The following RPTOR variants were observed in gnomAD, a reference collection of about 807,000 sequenced individuals.
The protein encoded by RPTOR is regulatory associated protein of MTOR complex 1.
A neutral mutation model predicts 169.9 loss-of-function variants in RPTOR; 21 were observed. The observed-to-expected ratio is 0.12, with a 90% CI of 0.09 to 0.18. RPTOR has a LOEUF of 0.18. Ranked by LOEUF, RPTOR falls within the 10% of genes least tolerant of loss-of-function variation. RPTOR has a pLI of 1.00. For synonymous variants in RPTOR, 732 were observed against 753.2 expected (o/e 0.97, Z 0.46); for missense variants, 1,133 against 1,855.9 (o/e 0.61, Z 7.16).
chr17:80,795,940 T>C (rs1043704213), intron 7 of RPTOR, among the ~76,000 whole-genome samples: 1 of 152,238 alleles, frequency 6.6e-6, no homozygotes, highest in African/African-American at 2.4e-5. Flanking sequence ...TCACTCCACA[T>C]TCCTGTAGTT....
chr17:80,570,481 G>A (rs1482844015), intron 1 of RPTOR, among the ~76,000 whole-genome samples: 6 of 151,962 alleles, frequency 3.9e-5, no homozygotes, highest in African/African-American at 1.5e-4. Context: ...ATCTTTTTGA[G>A]ACAGAGTCTC....
chr17:80,720,503 TGCTTACAGTA>T (rs1406296914), intron 4 of RPTOR, among the ~76,000 whole-genome samples: 1 of 152,266 alleles, frequency 6.6e-6, no homozygotes, highest in African/African-American at 2.4e-5. Context: ...ATTTTGTGTT[TGCTTACAGTA>T]GTAGAAGGCC....
Position 80,609,772 on chromosome 17 carries a change from G to GTT in RPTOR, c.163-15918_163-15917dup, listed in dbSNP as rs1491406184. Among the ~76,000 whole-genome samples, 1 of 125,512 alleles carries GTT rather than the reference G, an allele frequency of 8.0e-6. No individual in the cohort carries two copies. Among genetic ancestry groups the GTT allele is most frequent in the Non-Finnish European group, 1.7e-5 (1 of 58,076 alleles). 82.3% of individuals were successfully genotyped at this position (125,512 alleles called of 152,430 possible). ...AAAAAAAAAAAAGTTTAAGGTGTTG[G>GTT]TTGTGTGTGTGTGTGTGTGTGTGTG... On this transcript the variant is annotated intron_variant, in intron 1 of 33. Transcript: ENST00000306801. The surrounding 1 kb of genome is among the most constrained non-coding windows in gnomAD (Gnocchi z 4.8).
At chr17:80,696,976 C>T (rs1350468433) in intron 3 of RPTOR, among the ~76,000 whole-genome samples, 1 of 152,194 alleles carries the variant, frequency 6.6e-6, no homozygotes, top group Non-Finnish European at 1.5e-5. Flanking sequence ...GCCCCCTGGC[C>T]CCATCACGTA....
At chr17:80,692,102 A>G (rs1235628160) in intron 3 of RPTOR, among the ~76,000 whole-genome samples, 4 of 152,172 alleles carry the variant, frequency 2.6e-5, no homozygotes, top group African/African-American at 7.2e-5. Context: ...GTCGAGTGAC[A>G]TTACCCTGTA....
chr17:80,548,398 T>TTGGGGG (rs2084305023), intron 1 of RPTOR, among the ~76,000 whole-genome samples: 1 of 100,862 alleles, frequency 9.9e-6, no homozygotes, highest in Non-Finnish European at 2.2e-5. Flanking sequence ...TTTTTTTTTT[T>TTGGGGG]GAGATGGAGT....
chr17:80,636,817 C>T (rs1286219294), intron 2 of RPTOR, among the ~76,000 whole-genome samples: 4 of 152,198 alleles, frequency 2.6e-5, no homozygotes, highest in Non-Finnish European at 5.9e-5. Flanking sequence ...GCTGCATGAG[C>T]TGCTTCCTGA....
intron 5 of RPTOR, among the ~76,000 whole-genome samples, chr17:80,735,439 T>TTTTA (rs1451958589): frequency 4.6e-5 from 7 of 152,222 alleles, no homozygotes; most frequent in African/African-American, 1.7e-4. Context: ...TTCAAATGTT[T>TTTTA]TTTAACAACT....
intron 10 of RPTOR, among the ~76,000 whole-genome samples, chr17:80,839,618 G>A (rs376605919): frequency 3.9e-5 from 6 of 152,228 alleles, no homozygotes; most frequent in Middle Eastern, 6.8e-3. Flanking sequence ...CTTCACAGAC[G>A]CCAGCTGTCC....
At chr17:80,937,856 G>T (rs528367526) in intron 24 of RPTOR, among the ~76,000 whole-genome samples, 2 of 152,160 alleles carry the variant, frequency 1.3e-5, no homozygotes, top group East Asian at 1.9e-4. Context: ...TCCATCCACC[G>T]CTCTCCCTCC....
chr17:80,716,071 G>A (rs2066236987), intron 4 of RPTOR, among the ~76,000 whole-genome samples: 1 of 152,098 alleles, frequency 6.6e-6, no homozygotes, highest in South Asian at 2.1e-4. Flanking sequence ...ATTTTCCTCT[G>A]GGTAAATACC....
At position 80,927,893 on chromosome 17, in the gene RPTOR, G is replaced by A. The variant is rs147759431; in HGVS notation, c.2919+2413G>A. On this transcript the variant is annotated intron_variant, in intron 24 of 33. Transcript: ENST00000306801. ...CGCCCGCACGGAGGAGCTGGAGGGT[G>A]TCAGCCTTGTGGTCTGGCCCTGCCA... Among the ~76,000 whole-genome samples the A allele has an allele frequency of 1.2e-4, 19 of 152,174 alleles. No individual in the cohort carries two copies. The East Asian group carries it at 3.7e-3, about 29-fold the overall frequency.
rs1208203449 is a variant in RPTOR, at chr17:80,820,764, C to T, written c.891-1437C>T. ...CTCTGCTGTCCTTGTGCCGTGTGTT[C>T]GCCTCCAGGCCTGGGTTTCTTTTAA... On this transcript the variant is annotated intron_variant, in intron 7 of 33. Coordinates refer to ENST00000306801, the MANE Select transcript of RPTOR (RefSeq NM_020761.3). The surrounding 1 kb of genome is among the most constrained non-coding windows in gnomAD (Gnocchi z 4.1). 6.6e-6 allele frequency among the ~76,000 whole-genome samples: 1 copy of T among 152,148 alleles called. No individual in the cohort carries two copies. The highest frequency in any genetic ancestry group is 1.5e-5 in the Non-Finnish European group (1 of 68,040).
At chr17:80,831,551 C>T (rs985593321) in intron 9 of RPTOR, among the ~76,000 whole-genome samples, 2 of 152,220 alleles carry the variant, frequency 1.3e-5, no homozygotes, top group East Asian at 1.9e-4. Flanking sequence ...CCTTGCTGCT[C>T]GTGATGAATT....
intron 5 of RPTOR, among the ~76,000 whole-genome samples, chr17:80,745,097 A>C (rs1003478047): frequency 6.6e-6 from 1 of 152,252 alleles, no homozygotes; most frequent in Admixed American, 6.5e-5. Flanking sequence ...TGGTCAGCTA[A>C]GCCTTCCCCC....
intron 30 of RPTOR, among the ~76,000 whole-genome samples, 182 bp from the exon 31 acceptor site, chr17:80,961,212 G>T (rs2069335226): frequency 1.3e-5 from 2 of 152,348 alleles, no homozygotes; most frequent in African/African-American, 4.8e-5. Flanking sequence ...GTCTCTGCTG[G>T]AGCAGGTCAC....
At chr17:80,871,588 G>A (rs1377071676) in intron 13 of RPTOR, among the ~76,000 whole-genome samples, 1 of 152,206 alleles carries the variant, frequency 6.6e-6, no homozygotes, top group East Asian at 1.9e-4. Context: ...GCTGCTCTTT[G>A]GAAGGAAGTC....
chr17:80,702,498 C>T (rs1182334709), intron 3 of RPTOR, among the ~76,000 whole-genome samples: 1 of 152,198 alleles, frequency 6.6e-6, no homozygotes, highest in African/African-American at 2.4e-5. Flanking sequence ...TTATCCCTGG[C>T]ATTCTAGTTG....
chr17:80,741,542 G>A (rs898986779), intron 5 of RPTOR, among the ~76,000 whole-genome samples: 5 of 152,264 alleles, frequency 3.3e-5, no homozygotes, highest in Non-Finnish European at 5.9e-5. Context: ...AGGACCATGA[G>A]GCTGGAGGGT....
Sources: allele counts gnomAD v4.1 joint callset (sites outside exome capture counted in the v4.1 genomes callset), GRCh38; gene constraint gnomAD v4.1.1; non-coding constraint Gnocchi (gnomAD v3.1); transcripts MANE v1.5; gene names NCBI Gene and HGNC (gene_info 2026-07-23, HGNC 2026-07-21).